EGFLAM: variants seen among roughly 807,000 people sequenced by gnomAD.
EGFLAM encodes EGF like, fibronectin type III and laminin G domains, also known as pikachurin.
EGFLAM carries 79 observed loss-of-function variants against 113.1 expected under a neutral mutation model. The ratio of observed to expected loss-of-function variants is 0.70; its 90% confidence interval spans 0.58 to 0.84. The LOEUF (loss-of-function observed/expected upper bound fraction) is 0.84, where lower values mean the gene tolerates loss of function less well. Among genes scored for constraint, EGFLAM ranks in the 40% least tolerant of loss-of-function variants. The pLI, the probability that EGFLAM is intolerant of heterozygous loss-of-function variation, is 0.00. For synonymous variants in EGFLAM, 504 were observed against 487.6 expected (o/e 1.03, Z -0.44); for missense variants, 1,265 against 1,291.6 (o/e 0.98, Z 0.32).
rs6871592 is a variant in EGFLAM, at chr5:38,430,811, T to C, written c.2055-366T>C. ...AGAACCAGAGAGCCCATGATGTCCG[T>C]TCCAGTCCAAGTCAAAGGCCCAAGT... On this transcript the variant is annotated intron_variant, in intron 14 of 21. Coordinates refer to ENST00000322350, the MANE Select transcript of EGFLAM (RefSeq NM_152403.4). 6.2e-3 allele frequency among the ~76,000 whole-genome samples: 937 copies of C among 152,260 alleles called. 8 individuals carry two copies. The highest frequency in any genetic ancestry group is 0.021 in the African/African-American group (893 of 41,542).
At chr5:38,360,472 G>A (rs563391317) in intron 5 of EGFLAM, among the ~76,000 whole-genome samples, 1 of 152,154 alleles carries the variant, frequency 6.6e-6, no homozygotes, top group Admixed American at 6.6e-5. Context: ...GACTCTGCTC[G>A]TCTAGTATCA....
At chr5:38,321,276 A>G (rs1475120141) in intron 1 of EGFLAM, among the ~76,000 whole-genome samples, 2 of 152,142 alleles carry the variant, frequency 1.3e-5, no homozygotes, top group South Asian at 2.1e-4. Context: ...TCGTGCTCCT[A>G]TGAGAATCTA....
At position 38,405,394 on chromosome 5, in the gene EGFLAM, GT is replaced by G. The variant is rs2112123497; in HGVS notation, c.713-728del. Among the ~76,000 whole-genome samples, 3 of 151,930 alleles carry G rather than the reference GT, an allele frequency of 2.0e-5. No individual in the cohort carries two copies. In the South Asian group the frequency reaches 6.3e-4, roughly 32 times the overall value. ...TATATGTATCCCTAAGTAATATATT[GT>G]TTTGTTTGCTGTTGTCTTTTATATT... On this transcript the variant is annotated intron_variant, in intron 6 of 21. Transcript: ENST00000322350.
chr5:38,449,514 C>T (rs1219261136), intron 18 of EGFLAM, among the ~76,000 whole-genome samples: 5 of 152,286 alleles, frequency 3.3e-5, no homozygotes, highest in African/African-American at 9.6e-5. Context: ...AAAGCAGTGA[C>T]AGCGTGAAAG....
intron 20 of EGFLAM, among the ~76,000 whole-genome samples, chr5:38,459,719 C>A (rs531894588): frequency 6.6e-6 from 1 of 152,210 alleles, no homozygotes; most frequent in East Asian, 1.9e-4. Context: ...ATATAGGCTG[C>A]AATGGGGAGA....
chr5:38,435,764 A>G (rs1015274105), intron 16 of EGFLAM, among the ~76,000 whole-genome samples: 14 of 151,656 alleles, frequency 9.2e-5, no homozygotes, highest in Admixed American at 2.0e-4. Context: ...AAGGTTCAGG[A>G]AAAAAACATT....
At chr5:38,316,863 G>C (rs568812882) in intron 1 of EGFLAM, among the ~76,000 whole-genome samples, 39 of 152,246 alleles carry the variant, frequency 2.6e-4, no homozygotes, top group Admixed American at 1.4e-3. Flanking sequence ...ACTTTTTTGA[G>C]TTCTTACCAA....
chr5:38,422,515 C>T (rs1741864116), intron 12 of EGFLAM, among the ~76,000 whole-genome samples: 1 of 152,056 alleles, frequency 6.6e-6, no homozygotes, highest in African/African-American at 2.4e-5. Flanking sequence ...TAATGATGTT[C>T]TTAAATGGAG....
At chr5:38,281,093 A>G (rs974507709) in intron 1 of EGFLAM, among the ~76,000 whole-genome samples, 2 of 152,210 alleles carry the variant, frequency 1.3e-5, no homozygotes, top group Admixed American at 1.3e-4. Context: ...AGGACTCAAT[A>G]GAAGTTCTAT....
chr5:38,410,868 A>C (rs934591222), intron 10 of EGFLAM, among the ~76,000 whole-genome samples: 2 of 152,184 alleles, frequency 1.3e-5, no homozygotes, highest in African/African-American at 4.8e-5. Context: ...TATGAATATC[A>C]CTGAGCTTTA....
intron 6 of EGFLAM, among the ~76,000 whole-genome samples, chr5:38,404,789 C>G (rs1280063435): frequency 6.6e-6 from 1 of 152,154 alleles, no homozygotes; most frequent in African/African-American, 2.4e-5. Context: ...GAGAGGGCAG[C>G]AAGTTAATAC....
At chr5:38,272,921 A>G (rs570055739) in intron 1 of EGFLAM, among the ~76,000 whole-genome samples, 1 of 152,330 alleles carries the variant, frequency 6.6e-6, no homozygotes, top group South Asian at 2.1e-4. Context: ...TTAAAAAAAT[A>G]AGATTTAGAA....
At chr5:38,312,550 C>A (rs921279963) in intron 1 of EGFLAM, among the ~76,000 whole-genome samples, 1 of 151,986 alleles carries the variant, frequency 6.6e-6, no homozygotes, top group Admixed American at 6.6e-5. Flanking sequence ...ACCTCAGATT[C>A]TTATATGTAA....
chr5:38,342,220 A>G (rs925458221), intron 3 of EGFLAM, among the ~76,000 whole-genome samples: 3 of 152,224 alleles, frequency 2.0e-5, no homozygotes, highest in Non-Finnish European at 4.4e-5. Flanking sequence ...CACATGGCAG[A>G]GTAGGGTTAA....
chr5:38,351,444 A>G (rs1739621680), intron 4 of EGFLAM, among the ~76,000 whole-genome samples: 1 of 152,162 alleles, frequency 6.6e-6, no homozygotes, highest in South Asian at 2.1e-4. Flanking sequence ...GAAGCTGTGG[A>G]GCACACAGGA....
intron 17 of EGFLAM, among the ~76,000 whole-genome samples, chr5:38,444,046 C>T (rs1426510567): frequency 6.6e-6 from 1 of 152,116 alleles, no homozygotes; most frequent in African/African-American, 2.4e-5. Context: ...GCTGGGATTA[C>T]AGGTGTGAAC....
chr5:38,360,835 T>TTTAC (rs1411031199), intron 5 of EGFLAM, among the ~76,000 whole-genome samples: 1 of 150,194 alleles, frequency 6.7e-6, no homozygotes, highest in East Asian at 2.0e-4. Flanking sequence ...TATTTATTTA[T>TTTAC]TTATTTATTT....
At chr5:38,451,685 T>A in intron 19 of EGFLAM, 2 of 560,852 alleles carry the variant, frequency 3.6e-6, no homozygotes, top group South Asian at 3.1e-5. Context: ...CCACCACTCT[T>A]TTTTGTAAAT....
intron 12 of EGFLAM, among the ~76,000 whole-genome samples, chr5:38,424,354 G>A (rs889009258): frequency 6.6e-6 from 1 of 152,180 alleles, no homozygotes; most frequent in African/African-American, 2.4e-5. Flanking sequence ...TCATCAGGGT[G>A]TAACTTTGGA....
Sources: allele counts gnomAD v4.1 joint callset (sites outside exome capture counted in the v4.1 genomes callset), GRCh38; gene constraint gnomAD v4.1.1; transcripts MANE v1.5; gene names NCBI Gene and HGNC (gene_info 2026-07-23, HGNC 2026-07-21).